NT5DC3: variants seen among roughly 807,000 people sequenced by gnomAD.
NT5DC3 encodes 5'-nucleotidase domain containing 3.
Under a neutral mutation model 67.8 loss-of-function variants are expected in NT5DC3, and 42 were observed. The observed-to-expected ratio is 0.62, with a 90% CI of 0.48 to 0.80. The LOEUF (loss-of-function observed/expected upper bound fraction) is 0.80, where lower values mean the gene tolerates loss of function less well. Among genes scored for constraint, NT5DC3 ranks in the 30% least tolerant of loss-of-function variants. The probability of loss-of-function intolerance (pLI) is 0.00; values close to 1 mark genes in which losing one functional copy is unlikely to be tolerated. For synonymous variants in NT5DC3, 237 were observed against 255.6 expected, an observed-to-expected ratio of 0.93 and a Z score of 0.69; for missense variants, 570 against 696.4, an observed-to-expected ratio of 0.82 and a Z score of 2.04.
chr12:103,746,707 A>AAGCCACCTTTGTGCACAGGTG, the NT5DC3 span: 3 of 1,613,344 alleles, frequency 1.9e-6, no homozygotes, highest in Non-Finnish European at 2.5e-6. Flanking sequence ...ATGCACAGGT[A>AAGCCACCTTTGTGCACAGGTG]AGCCACCTTT....
downstream of NT5DC3, among the ~76,000 whole-genome samples, chr12:103,771,968 C>T (rs1229036180): frequency 1.3e-5 from 2 of 151,922 alleles, no homozygotes; most frequent in East Asian, 3.9e-4. Flanking sequence ...TACACAAAGG[C>T]AGGTGATCGA....
At chr12:103,796,626 C>CTGGCCT (rs2139354684) in intron 6 of NT5DC3, among the ~76,000 whole-genome samples, 1 of 152,380 alleles carries the variant, frequency 6.6e-6, no homozygotes, top group African/African-American at 2.4e-5. Context: ...TGCACCGGCC[C>CTGGCCT]TGGCCTTGGC....
chr12:103,807,697 C>A (rs1886861675), intron 2 of NT5DC3, among the ~76,000 whole-genome samples: 2 of 152,222 alleles, frequency 1.3e-5, no homozygotes, highest in Non-Finnish European at 2.9e-5. Flanking sequence ...ATGTCCCCAG[C>A]CAAGTCTCAT....
rs146059511 is a variant in NT5DC3, at chr12:103,816,893, G to A, written c.209-1772C>T. On this transcript the variant is annotated intron_variant, in intron 1 of 13. Transcript: ENST00000392876. ...CATCCTTCAGTTCTCATGGCACTGC[G>A]CAAAGAACTGCATCACTTTCAAGAA... 7.2e-4 allele frequency among the ~76,000 whole-genome samples: 109 copies of A among 151,662 alleles called. 1 individual carries two copies. The South Asian group carries it at 0.019, about 26-fold the overall frequency.
intron 1 of NT5DC3, among the ~76,000 whole-genome samples, chr12:103,820,056 G>C (rs986261830): frequency 2.6e-4 from 39 of 152,242 alleles, no homozygotes; most frequent in African/African-American, 9.4e-4. Context: ...TGACCTCAAG[G>C]TTCATCCATG....
At chr12:103,818,302 CCAAA>C (rs1314595003) in intron 1 of NT5DC3, among the ~76,000 whole-genome samples, 4 of 152,084 alleles carry the variant, frequency 2.6e-5, no homozygotes, top group Non-Finnish European at 4.4e-5. Flanking sequence ...TACTGAAAAC[CCAAA>C]CAGTCAATTC....
At chr12:103,793,885 C>T in intron 7 of NT5DC3, 52 bp downstream of exon 7, 1 of 1,478,234 alleles carries the variant, frequency 6.8e-7, no homozygotes, top group Non-Finnish European at 9.5e-7. Flanking sequence ...GGCATGGTTG[C>T]AAAAGAAACA....
chr12:103,806,587 T>C (rs183514315), intron 3 of NT5DC3, among the ~76,000 whole-genome samples: 89 of 152,172 alleles, frequency 5.8e-4, no homozygotes, highest in Non-Finnish European at 1.0e-3. Flanking sequence ...GGGAAAAAAA[T>C]AGATATGGCA....
In NT5DC3 at chr12:103,840,377, GCTCATCTCAT is replaced by G. The variant is rs10552367; in HGVS notation, c.208+562_208+571del. The stretch of plus-strand genomic sequence containing the variant: ...CCTCTCCTCTTTCAAACACCGCACA[GCTCATCTCAT>G]CTCATCTCATCTCATCTCATCTCAT... On this transcript the variant is annotated intron_variant, in intron 1 of 13. Transcript: ENST00000392876. Among the ~76,000 whole-genome samples, 1,044 of 115,398 alleles carry G rather than the reference GCTCATCTCAT, an allele frequency of 9.0e-3. 21 individuals carry two copies. Among genetic ancestry groups the G allele is most frequent in the African/African-American group, 0.031 (942 of 30,762 alleles). 75.7% of individuals were successfully genotyped at this position (115,398 alleles called of 152,430 possible).
chr12:103,822,116 T>C (rs1022901029), intron 1 of NT5DC3: 1 of 152,190 alleles, frequency 6.6e-6, no homozygotes, highest in Admixed American at 6.5e-5. Context: ...TTTAAAATTT[T>C]TGAACATTAA....
intron 3 of NT5DC3, 101 bp from the exon 4 acceptor site, chr12:103,806,478 G>A: frequency 2.4e-6 from 2 of 817,004 alleles, no homozygotes; most frequent in Non-Finnish European, 4.2e-6. Context: ...ACATTAGGCT[G>A]CCCTAACAAG....
At chr12:103,768,302 G>C (rs1043167735), downstream of NT5DC3, among the ~76,000 whole-genome samples, 6 of 149,690 alleles carry the variant, frequency 4.0e-5, no homozygotes, top group African/African-American at 1.5e-4. Context: ...TGGCGTGGTG[G>C]TGCACACCTG....
At chr12:103,806,559 C>T (rs1181103311) in intron 3 of NT5DC3, among the ~76,000 whole-genome samples, 182 bp from the exon 4 acceptor site, 2 of 152,106 alleles carry the variant, frequency 1.3e-5, no homozygotes, top group Non-Finnish European at 2.9e-5. Context: ...AAAGAAATGG[C>T]CTATCTGCAA....
intron 1 of NT5DC3, among the ~76,000 whole-genome samples, chr12:103,815,883 T>C (rs56147174): frequency 0.1 from 15,572 of 152,304 alleles, 1,145 homozygotes; most frequent in East Asian, 0.3. Context: ...TTAAAAAATA[T>C]ATTTGCAGAT....
the NT5DC3 span, chr12:103,755,713 C>G: frequency 6.2e-7 from 1 of 1,614,134 alleles, no homozygotes; most frequent in South Asian, 1.1e-5. Flanking sequence ...CACAAACTTC[C>G]TGACGGTATG....
chr12:103,819,075 C>T (rs943254243), intron 1 of NT5DC3, among the ~76,000 whole-genome samples: 30 of 152,150 alleles, frequency 2.0e-4, no homozygotes, highest in African/African-American at 7.2e-4. Context: ...GTGAAGCCCT[C>T]AAGGAAAAAC....
the NT5DC3 span, chr12:103,755,751 C>T: frequency 4.4e-6 from 7 of 1,608,912 alleles, no homozygotes; most frequent in Non-Finnish European, 6.0e-6. Flanking sequence ...TTGCCTCAGG[C>T]AGGGAGGGGT....
rs1313702849 is a variant in NT5DC3 at position 103,828,696 on chromosome 12, CTTTTTATT to C, written c.208+12245_208+12252del. ...TACCACTCTCCTGCATTTTTTCTTTCTTTTTATTTTTTTTTTTTGGAGACGGAGTCTCA... is the reference window on the plus strand; with the variant it reads ...TACCACTCTCCTGCATTTTTTCTTTCTTTTTTTTTTGGAGACGGAGTCTCA... On this transcript the variant is annotated intron_variant, in intron 1 of 13. Coordinates refer to ENST00000392876, the MANE Select transcript of NT5DC3 (RefSeq NM_001031701.3). 8.1e-3 allele frequency among the ~76,000 whole-genome samples: 1,108 copies of C among 136,320 alleles called. 18 individuals carry two copies. The highest frequency in any genetic ancestry group is 0.022 in the Admixed American group (286 of 12,934). 89.4% of individuals were successfully genotyped at this position (136,320 alleles called of 152,430 possible). A position where few individuals can be genotyped will look rare whatever the true frequency, so the allele number is the denominator to read the frequency against.
chr12:103,793,481 G>T lies in NT5DC3; in HGVS notation c.846C>A (p.Arg282=), dbSNP rs75630524. ...GATCAGCCAGTTTGGCCAACACTGC[G>T]CGGGTCTGCTCAGCATAGCAGATGT... ...EKYICYAEQT[R]AVLAKLADHG... is the part of the protein sequence containing the mutation. The change falls in exon 8 of 14, where the codon CGC becomes CGA. Residue 282 remains arginine, a synonymous_variant. Coordinates refer to ENST00000392876, the MANE Select transcript of NT5DC3 (RefSeq NM_001031701.3). The T allele has an allele frequency of 9.2e-5, 149 of 1,614,028 alleles. 1 individual carries two copies. In the African/African-American group the frequency reaches 1.8e-3, roughly 20 times the overall value.
Sources: allele counts gnomAD v4.1 joint callset (sites outside exome capture counted in the v4.1 genomes callset), GRCh38; gene constraint gnomAD v4.1.1; transcripts MANE v1.5; gene names NCBI Gene and HGNC (gene_info 2026-07-23, HGNC 2026-07-21).